The following NHSL1 variants were observed in gnomAD, a reference collection of about 807,000 sequenced individuals.
NHSL1 encodes the protein NHS-like protein 1.
In NHSL1, 48 loss-of-function variants were observed where a neutral mutation model predicts 95.0. The observed-to-expected ratio is 0.51, with a 90% confidence interval of 0.40 to 0.64. The LOEUF (loss-of-function observed/expected upper bound fraction) is 0.64, where lower values mean the gene tolerates loss of function less well. Ranked by LOEUF, NHSL1 falls within the 30% of genes least tolerant of loss-of-function variation. The pLI, the probability that NHSL1 is intolerant of heterozygous loss-of-function variation, is 0.00. For missense variants in NHSL1, 1,971 were observed against 2,077.7 expected (o/e 0.95, Z 1.00); for synonymous variants, 783 against 833.9 (o/e 0.94, Z 1.05).
At chr6:138,515,228 G>A (rs762273727) in intron 1 of NHSL1, among the ~76,000 whole-genome samples, 6 of 152,268 alleles carry the variant, frequency 3.9e-5, no homozygotes, top group South Asian at 2.1e-4. Flanking sequence ...CTGAAACCAC[G>A]AGAAGCAAAA....
upstream of NHSL1, among the ~76,000 whole-genome samples, chr6:138,548,042 G>C (rs1782870500): frequency 6.6e-6 from 1 of 152,180 alleles, no homozygotes; most frequent in Non-Finnish European, 1.5e-5. Context: ...GAGTGCAGTG[G>C]CACGATCTTG....
Position 138,433,304 on chromosome 6 carries a change from T to C in NHSL1, c.1041A>G (p.Ala347=). The change falls in exon 6 of 8, where the codon GCA becomes GCG. Residue 347 remains alanine (A), a synonymous_variant. Coordinates refer to ENST00000343505, the MANE Select transcript of NHSL1 (RefSeq NM_001144060.2). The part of the protein sequence containing the change: ...LEPRLGALGP[A]GDMNGTFLYQ... ...AGAGGAAAGTGCCATTCATGTCTCC[T>C]GCAGGGCCGAGGGCACCCAGCCTCG... The C allele has an allele frequency of 6.4e-7, 1 of 1,551,678 alleles. No individual in the cohort carries two copies.
At chr6:138,550,519 G>A (rs1380365272), upstream of NHSL1, among the ~76,000 whole-genome samples, 1 of 152,176 alleles carries the variant, frequency 6.6e-6, no homozygotes, top group Non-Finnish European at 1.5e-5. Context: ...TGACCTTAGG[G>A]CGGCAACCAC....
rs2128194281 is a variant in NHSL1 at position 138,429,774 on chromosome 6, T to C, written c.4022A>G (p.Asn1341Ser). 6.4e-7 allele frequency: 1 copy of C among 1,551,896 alleles called. No individual in the cohort carries two copies. The highest frequency in any genetic ancestry group is 1.2e-5 in the South Asian group (1 of 84,060). Residue 1341 changes from asparagine to serine, a missense_variant, in exon 7 of 8, where the codon AAT becomes AGT. This residue lies in a region of NHSL1 where 146 missense variants were observed against 206.3 expected (regional missense o/e 0.71). Transcript: ENST00000343505. ...EACDFLKEDG[N>S]DEVMTPSRPR... is the part of the protein sequence containing the mutation. ...TCGACTGGGGGTCATTACCTCATCA[T>C]TCCCGTCTTCCTTGAGGAAGTCACA... is the stretch of plus-strand genomic sequence containing the variant.
At chr6:138,458,460 G>A (rs1160457160) in intron 3 of NHSL1, among the ~76,000 whole-genome samples, 1 of 152,188 alleles carries the variant, frequency 6.6e-6, no homozygotes, top group African/African-American at 2.4e-5. Flanking sequence ...GGGAGGCCAA[G>A]GTAGGTGGAT....
At chr6:138,599,896 C>T (rs1230033563) in intron 1 of NHSL1, among the ~76,000 whole-genome samples, 1 of 152,170 alleles carries the variant, frequency 6.6e-6, no homozygotes, top group East Asian at 1.9e-4. Flanking sequence ...AATCCCAGCA[C>T]TTTGAGAGGC....
At chr6:138,600,432 TTAAG>T (rs1442285689) in intron 1 of NHSL1, among the ~76,000 whole-genome samples, 1 of 152,192 alleles carries the variant, frequency 6.6e-6, no homozygotes, top group Non-Finnish European at 1.5e-5. Context: ...CTGCAAAAAT[TTAAG>T]TGTTTATCAG....
chr6:138,586,530 G>A (rs1277835637), intron 1 of NHSL1, among the ~76,000 whole-genome samples: 1 of 152,174 alleles, frequency 6.6e-6, no homozygotes, highest in African/African-American at 2.4e-5. Flanking sequence ...GAATTAATAT[G>A]TCAATATATG....
chr6:138,468,120 T>C (rs1202691593), intron 3 of NHSL1, among the ~76,000 whole-genome samples: 1 of 152,194 alleles, frequency 6.6e-6, no homozygotes, highest in Non-Finnish European at 1.5e-5. Flanking sequence ...TAGTGTACAA[T>C]AATGCCCTAG....
chr6:138,468,994 A>T (rs12209052), intron 3 of NHSL1, among the ~76,000 whole-genome samples: 4,740 of 152,250 alleles, frequency 0.031, 117 homozygotes, highest in Non-Finnish European at 0.049. Context: ...TTTGCAAAGG[A>T]ATTATAATTT....
chr6:138,569,232 T>C (rs924347025), intron 1 of NHSL1, among the ~76,000 whole-genome samples: 4 of 150,504 alleles, frequency 2.7e-5, no homozygotes, highest in African/African-American at 9.8e-5. Context: ...CACTGCATGA[T>C]GGTTGTGTGT....
chr6:138,643,525 A>G (rs1784982440), intron 1 of NHSL1, among the ~76,000 whole-genome samples: 1 of 152,236 alleles, frequency 6.6e-6, no homozygotes, highest in African/African-American at 2.4e-5. Flanking sequence ...AGAAGGGTAC[A>G]CCTTTAAAAC....
At chr6:138,638,004 T>C (rs1374600315) in intron 1 of NHSL1, among the ~76,000 whole-genome samples, 2 of 152,190 alleles carry the variant, frequency 1.3e-5, no homozygotes, top group East Asian at 1.9e-4. Context: ...GTAGTACTTA[T>C]ACACAATGGA....
intron 1 of NHSL1, among the ~76,000 whole-genome samples, chr6:138,531,426 T>C (rs145907907): frequency 5.8e-4 from 88 of 152,296 alleles, no homozygotes; most frequent in Admixed American, 1.8e-3. Flanking sequence ...TTTGTAACTT[T>C]TGTAACTTCA....
intron 2 of NHSL1, among the ~76,000 whole-genome samples, chr6:138,477,510 G>A (rs968534498): frequency 6.6e-6 from 1 of 152,212 alleles, no homozygotes; most frequent in African/African-American, 2.4e-5. Context: ...GGCTGAGGCA[G>A]GGGCATTGTT....
chr6:138,517,515 G>C (rs186217856), intron 1 of NHSL1, among the ~76,000 whole-genome samples: 1 of 152,170 alleles, frequency 6.6e-6, no homozygotes, highest in East Asian at 1.9e-4. Context: ...TCAGTATTTA[G>C]GGAAAGAACA....
chr6:138,647,185 T>C (rs1280545683), intron 1 of NHSL1, among the ~76,000 whole-genome samples: 1 of 152,158 alleles, frequency 6.6e-6, no homozygotes, highest in African/African-American at 2.4e-5. Context: ...TTTCCTGTCC[T>C]GGGGGCGAAA....
intron 1 of NHSL1, among the ~76,000 whole-genome samples, chr6:138,677,656 C>A (rs1785464734): frequency 6.6e-6 from 1 of 152,136 alleles, no homozygotes; most frequent in South Asian, 2.1e-4. Context: ...ATCACTGCCC[C>A]AAGCAGAGCC....
In NHSL1 at chr6:138,433,393, T is replaced by C; in HGVS notation, c.952A>G (p.Ser318Gly). Residue 318 changes from serine to glycine, a missense_variant, in exon 6 of 8, where the codon AGT becomes GGT. By Grantham distance (56) the Ser-to-Gly change is moderately conservative. This residue lies in a region of NHSL1 where 1,602 missense variants were observed against 1,654.5 expected (regional missense o/e 0.97). Transcript: ENST00000343505. ...GGAAGACTATGGAAGCCAGCATCAC[T>C]GTCAAGGCGGGAAGGGAATACGATC... Reference protein sequence around the residue: ...AGIVFPSRLDSDAGFHSLPRS... With the variant: ...AGIVFPSRLDGDAGFHSLPRS... The C allele has an allele frequency of 1.3e-6, 2 of 1,552,342 alleles. No individual in the cohort carries two copies. The highest frequency in any genetic ancestry group is 1.2e-5 in the South Asian group (1 of 84,066).
Sources: gnomAD v4.1 joint callset for allele counts (sites outside exome capture counted in the v4.1 genomes callset) on GRCh38, gnomAD v4.1.1 for gene constraint, gnomAD v4.1.1 regional missense constraint, MANE v1.5 for transcripts, NCBI Gene and HGNC (gene_info 2026-07-23, HGNC 2026-07-21) for gene names.